PRDM6: variants seen among roughly 807,000 people sequenced by gnomAD.
PRDM6 encodes PR/SET domain 6, also known as putative histone-lysine N-methyltransferase PRDM6.
A neutral mutation model predicts 60.8 loss-of-function variants in PRDM6; 25 were observed. The observed-to-expected ratio is 0.41, with a 90% CI of 0.30 to 0.57. PRDM6 has a LOEUF of 0.57. PRDM6 is among the 20% of genes least tolerant of loss of function. PRDM6 has a pLI of 0.27. For synonymous variants in PRDM6, 407 were observed against 357.4 expected (o/e 1.14, Z -1.57); for missense variants, 839 against 821.3 (o/e 1.02, Z -0.26).
intron 3 of PRDM6, among the ~76,000 whole-genome samples, chr5:123,102,200 C>T (rs1042923585): frequency 1.3e-5 from 2 of 152,106 alleles, no homozygotes; most frequent in South Asian, 2.1e-4. Context: ...ACGTGAAATG[C>T]GACTAACTGG....
At chr5:123,127,910 C>A (rs1433167567) in intron 3 of PRDM6, among the ~76,000 whole-genome samples, 1 of 152,070 alleles carries the variant, frequency 6.6e-6, no homozygotes, top group African/African-American at 2.4e-5. Flanking sequence ...TAATGCTATC[C>A]TTCCCCCAGC....
chr5:123,147,455 A>G (rs1765271705), intron 3 of PRDM6, among the ~76,000 whole-genome samples: 1 of 152,180 alleles, frequency 6.6e-6, no homozygotes, highest in Non-Finnish European at 1.5e-5. Context: ...AACGGAGAAG[A>G]GGGAAAAAGA....
intron 3 of PRDM6, among the ~76,000 whole-genome samples, chr5:123,107,535 A>G (rs889501044): frequency 7.9e-5 from 12 of 152,212 alleles, no homozygotes; most frequent in African/African-American, 2.4e-4. Context: ...GCTCTTTCCA[A>G]TGAAAGCTAG....
chr5:123,158,682 C>G (rs935016054), intron 4 of PRDM6, among the ~76,000 whole-genome samples: 1 of 152,162 alleles, frequency 6.6e-6, no homozygotes, highest in South Asian at 2.1e-4. Flanking sequence ...ATACAAGGAA[C>G]AAATTGCCCT....
At position 123,149,625 on chromosome 5, in the gene PRDM6, ATTAACT is replaced by A. The variant is rs1213957628; in HGVS notation, c.901-6255_901-6250del. 2.6e-5 allele frequency among the ~76,000 whole-genome samples: 4 copies of A among 152,192 alleles called. No individual in the cohort carries two copies. The South Asian group carries it at 6.2e-4, about 24-fold the overall frequency. On this transcript the variant is annotated intron_variant, in intron 3 of 7. Coordinates refer to ENST00000407847, the MANE Select transcript of PRDM6 (RefSeq NM_001136239.4). Reference sequence around the variant, plus strand: ...CGACACTGCAATGAACTAAAAACTGATTAACTTTAGGAAAGTGTGGAGTTGAAGAAA... The same window carrying A: ...CGACACTGCAATGAACTAAAAACTGATTAGGAAAGTGTGGAGTTGAAGAAA...
rs12516305 is a variant in PRDM6 at position 123,091,526 on chromosome 5, T to G, written c.592+920T>G. Among the ~76,000 whole-genome samples the G allele has an allele frequency of 1.3e-3, 204 of 152,370 alleles. 4 individuals are homozygous for G. In the East Asian group the frequency reaches 0.028, roughly 21 times the overall value. On this transcript the variant is annotated intron_variant, in intron 2 of 7. Transcript: ENST00000407847. ...AACGCTTATCACAAGTACAGTTCCATTTGGCGGTTTTGAAGCAAAACTCTA... is the reference window on the plus strand; with the variant it reads ...AACGCTTATCACAAGTACAGTTCCAGTTGGCGGTTTTGAAGCAAAACTCTA...
At chr5:123,183,693 A>G (rs892592772) in intron 7 of PRDM6, among the ~76,000 whole-genome samples, 7 of 152,254 alleles carry the variant, frequency 4.6e-5, no homozygotes, top group Non-Finnish European at 1.0e-4. Flanking sequence ...GAGCAAACGC[A>G]AGATATCATT....
rs540101567 is a variant in PRDM6 at position 123,193,345 on chromosome 5, A to G, written c.*6144A>G. 2.0e-5 allele frequency: 3 copies of G among 152,312 alleles called. No individual in the cohort carries two copies. The highest frequency in any genetic ancestry group is 1.9e-4 in the East Asian group (1 of 5,176). 9.4% of individuals were successfully genotyped at this position (152,312 alleles called of 1,614,324 possible). The stretch of plus-strand genomic sequence containing the variant: ...CACAACTCTTTCATGTTTAAAAGCA[A>G]TTATGCCGTATCAGGTGATTGCCAC... On this transcript the variant is annotated 3_prime_UTR_variant, in exon 8 of 8. Transcript: ENST00000407847.
intron 5 of PRDM6, among the ~76,000 whole-genome samples, chr5:123,167,351 A>G (rs1054639163): frequency 6.6e-6 from 1 of 151,176 alleles, no homozygotes; most frequent in Non-Finnish European, 1.5e-5. Context: ...ATAAAAGGTT[A>G]TGTGACCTTA....
chr5:123,187,190 G>A lies in PRDM6; in HGVS notation c.1777G>A (p.Glu593Lys), dbSNP rs773608431. The A allele has an allele frequency of 4.5e-5, 69 of 1,549,580 alleles. No individual in the cohort carries two copies. The highest frequency in any genetic ancestry group is 7.8e-5 in the Admixed American group (4 of 51,000). ...KPITESPESI[E>K]VD ...AATAACTGAGAGCCCAGAATCAATC[G>A]AAGTGGATTAACGGATTGACTGGTT... Residue 593 changes from glutamate to lysine, a missense_variant, in exon 8 of 8, where the codon GAA becomes AAA. Coordinates refer to ENST00000407847, the MANE Select transcript of PRDM6 (RefSeq NM_001136239.4).
At chr5:123,152,211 C>T (rs1429795431) in intron 3 of PRDM6, among the ~76,000 whole-genome samples, 1 of 152,118 alleles carries the variant, frequency 6.6e-6, no homozygotes, top group East Asian at 1.9e-4. Flanking sequence ...AATTCCCTTA[C>T]AGCTGGGCTT....
chr5:123,111,473 C>T lies in PRDM6; in HGVS notation c.900+11512C>T, dbSNP rs541572519. 3.3e-3 allele frequency among the ~76,000 whole-genome samples: 500 copies of T among 152,180 alleles called. 4 individuals carry two copies. The highest frequency in any genetic ancestry group is 0.011 in the African/African-American group (467 of 41,522). ...CAACACTTTGGGAGGCCGAGGCGGG[C>T]GGATCACGAGGTCAGGAGATCGAGA... On this transcript the variant is annotated intron_variant, in intron 3 of 7. Transcript: ENST00000407847.
At chr5:123,161,735 G>T (rs1407042054) in intron 5 of PRDM6, among the ~76,000 whole-genome samples, 1 of 152,218 alleles carries the variant, frequency 6.6e-6, no homozygotes, top group Non-Finnish European at 1.5e-5. Context: ...ACCTTGTAGG[G>T]CCCTAGAGGC....
At chr5:123,108,194 AT>A (rs1764237707) in intron 3 of PRDM6, among the ~76,000 whole-genome samples, 1 of 152,192 alleles carries the variant, frequency 6.6e-6, no homozygotes, top group Non-Finnish European at 1.5e-5. Flanking sequence ...CTCTGTGGTC[AT>A]TTTAAATTAA....
At chr5:123,111,837 C>T (rs1764323616) in intron 3 of PRDM6, among the ~76,000 whole-genome samples, 1 of 152,132 alleles carries the variant, frequency 6.6e-6, no homozygotes, top group African/African-American at 2.4e-5. Context: ...GCTTCAGGTC[C>T]ACAGTTGGTT....
At chr5:123,129,644 T>G (rs1580502086) in intron 3 of PRDM6, among the ~76,000 whole-genome samples, 1 of 152,180 alleles carries the variant, frequency 6.6e-6, no homozygotes, top group Non-Finnish European at 1.5e-5. Context: ...TCCTGGGGTA[T>G]TTATTAAACC....
rs1423708756 is a variant in PRDM6, at chr5:123,191,793, T to C, written c.*4592T>C. On this transcript the variant is annotated 3_prime_UTR_variant, in exon 8 of 8. Coordinates refer to ENST00000407847, the MANE Select transcript of PRDM6 (RefSeq NM_001136239.4). ...GCACCTATTTCAGCCCTCCCCAAGA[T>C]TGCATTCTACAAACCCAGAGATCAG... 2 of 152,116 alleles carry C rather than the reference T, an allele frequency of 1.3e-5. No individual in the cohort carries two copies. Among genetic ancestry groups the C allele is most frequent in the East Asian group, 1.9e-4 (1 of 5,182 alleles). 9.4% of individuals were successfully genotyped at this position (152,116 alleles called of 1,614,324 possible). A position where few individuals can be genotyped will look rare whatever the true frequency, so the allele number is the denominator to read the frequency against.
At chr5:123,153,055 G>A (rs1410039529) in intron 3 of PRDM6, among the ~76,000 whole-genome samples, 2 of 152,118 alleles carry the variant, frequency 1.3e-5, no homozygotes, top group African/African-American at 4.8e-5. Flanking sequence ...TTTGAAAATA[G>A]CAGCAACAAC....
At chr5:123,133,829 CA>C (rs35835120) in intron 3 of PRDM6, among the ~76,000 whole-genome samples, 56,939 of 135,860 alleles carry the variant, frequency 0.42, 10,733 homozygotes, top group East Asian at 0.61. Context: ...GTTTATCAAT[CA>C]AAAAAAAAAA....
Sources: gnomAD v4.1 joint callset for allele counts (sites outside exome capture counted in the v4.1 genomes callset) on GRCh38, gnomAD v4.1.1 for gene constraint, MANE v1.5 for transcripts, NCBI Gene and HGNC (gene_info 2026-07-23, HGNC 2026-07-21) for gene names.